MYH11: variants seen among roughly 807,000 people sequenced by gnomAD.
MYH11 encodes myosin heavy chain 11.
MYH11 carries 80 observed loss-of-function variants against 246.6 expected under a neutral mutation model. The observed-to-expected ratio is 0.32, with a 90% confidence interval of 0.27 to 0.39. The LOEUF (loss-of-function observed/expected upper bound fraction) is 0.39, where lower values mean the gene tolerates loss of function less well. Ranked by LOEUF, MYH11 falls within the 10% of genes least tolerant of loss-of-function variation. The pLI is 1.00. For missense variants in MYH11, 2,158 were observed against 2,546.8 expected, an observed-to-expected ratio of 0.85 and a Z score of 3.29; for synonymous variants, 1,071 against 1,015.5, an observed-to-expected ratio of 1.05 and a Z score of -1.04.
At chr16:15,758,046 G>T in intron 12 of MYH11, 46 bp from the exon 13 acceptor site, 2 of 1,612,092 alleles carry the variant, frequency 1.2e-6, no homozygotes, top group Non-Finnish European at 1.7e-6. Context: ...TTGGTATGAA[G>T]TCAGAAGACA....
chr16:15,818,916 G>A (rs1008751503), intron 3 of MYH11, among the ~76,000 whole-genome samples: 1 of 152,138 alleles, frequency 6.6e-6, no homozygotes, highest in Admixed American at 6.5e-5. Context: ...GTCTTACTCT[G>A]TTGCCAAGGC....
chr16:15,801,345 C>G (rs916145149), intron 3 of MYH11, among the ~76,000 whole-genome samples: 1 of 151,712 alleles, frequency 6.6e-6, no homozygotes, highest in African/African-American at 2.4e-5. Flanking sequence ...AGTGTTATAC[C>G]TTTTGTGTTT....
chr16:15,833,415 G>GGAACGAAC (rs1318097512), intron 2 of MYH11, among the ~76,000 whole-genome samples: 17 of 148,122 alleles, frequency 1.1e-4, no homozygotes, highest in Admixed American at 4.7e-4. Flanking sequence ...AAGGAAGGGA[G>GGAACGAAC]GAACGAACTA....
Position 15,718,443 on chromosome 16 carries a change from G to A in MYH11, c.5172-5C>T, listed in dbSNP as rs574893374. 5.7e-4 allele frequency: 884 copies of A among 1,555,058 alleles called. 11 individuals are homozygous for A. In the South Asian group the frequency reaches 9.4e-3, roughly 17 times the overall value. Reference sequence around the variant, plus strand: ...TTCTCGTCCTGGAGTGCGTTCCTGGGGGAAGGGCGGCCATGGTGGGGGCCT... The same window carrying A: ...TTCTCGTCCTGGAGTGCGTTCCTGGAGGAAGGGCGGCCATGGTGGGGGCCT... On this transcript the variant is annotated splice_region_variant and splice_polypyrimidine_tract_variant and intron_variant, in intron 36 of 40. Coordinates refer to ENST00000300036, the MANE Select transcript of MYH11 (RefSeq NM_002474.3).
At chr16:15,763,741 T>TGGGGGG in intron 10 of MYH11, 55 bp downstream of exon 10, 33 of 646,778 alleles carry the variant, frequency 5.1e-5, no homozygotes, top group Middle Eastern at 2.6e-4. Context: ...AAATGTCACC[T>TGGGGGG]CCCCCACCCC....
In MYH11 at chr16:15,750,348, G is replaced by GGGT. The variant is rs2041534101; in HGVS notation, c.1865-20_1865-18dup. On this transcript the variant is annotated splice_polypyrimidine_tract_variant and intron_variant, in intron 15 of 40. Coordinates refer to ENST00000300036, the MANE Select transcript of MYH11 (RefSeq NM_002474.3). This position sits in a 1 kb window ranked among gnomAD's most constrained non-coding sequence, Gnocchi z 4.3. ...TGCGGTCCACTATGGGGCACAGCCA[G>GGGT]GGTGGCATCAGCCTCTGGCCCACCC... 1 of 1,579,728 alleles carries GGGT rather than the reference G, an allele frequency of 6.3e-7. No individual in the cohort carries two copies. The highest frequency in any genetic ancestry group is 8.6e-7 in the Non-Finnish European group (1 of 1,165,184).
Position 15,747,973 on chromosome 16 carries a change from G to A in MYH11, c.2181-30C>T, listed in dbSNP as rs2293736. 0.067 allele frequency: 107,838 copies of A among 1,614,058 alleles called. 4,077 individuals carry two copies. Among genetic ancestry groups the A allele is most frequent in the East Asian group, 0.15 (6,837 of 44,856 alleles). ...AAACACAGAGCAGAAGTCACCCCGGGTACCTCCAGCATCCATTCCTCCACC... is the reference window on the plus strand; with the variant it reads ...AAACACAGAGCAGAAGTCACCCCGGATACCTCCAGCATCCATTCCTCCACC... On this transcript the variant is annotated intron_variant, in intron 17 of 40. Transcript: ENST00000300036.
At chr16:15,768,086 C>G (rs76710804) in intron 9 of MYH11, among the ~76,000 whole-genome samples, 3,848 of 152,148 alleles carry the variant, frequency 0.025, 161 homozygotes, top group African/African-American at 0.088. Context: ...CTCCTGCCGA[C>G]ACCCTGATTT....
chr16:15,735,577 G>C lies in MYH11; in HGVS notation c.3295C>G (p.Leu1099Val), dbSNP rs757497342. 6.2e-7 allele frequency: 1 copy of C among 1,614,182 alleles called. No homozygotes were observed. Among genetic ancestry groups the C allele is most frequent in the Non-Finnish European group, 8.5e-7 (1 of 1,180,034 alleles). Residue 1099 changes from leucine to valine, a missense_variant and splice_region_variant, in exon 26 of 41, where the codon CTT becomes GTT. By Grantham distance (32) the Leu-to-Val change is conservative. Coordinates refer to ENST00000300036, the MANE Select transcript of MYH11 (RefSeq NM_002474.3). Reference sequence around the variant, plus strand: ...TTCTTCTGAGCGATTTCATCGTCAAGCCTTCCAGGGAGAGACCCAGCAGAA... The same window carrying C: ...TTCTTCTGAGCGATTTCATCGTCAACCCTTCCAGGGAGAGACCCAGCAGAA... The part of the protein sequence containing the change: ...EEELQAALAR[L>V]DDEIAQKNNA...
At chr16:15,773,968 C>T (rs1378461533) in intron 8 of MYH11, among the ~76,000 whole-genome samples, 1 of 151,938 alleles carries the variant, frequency 6.6e-6, no homozygotes, top group Non-Finnish European at 1.5e-5. Flanking sequence ...TTTATTATAC[C>T]CTCCAATACA....
At chr16:15,811,107 C>G (rs1365599317) in intron 3 of MYH11, among the ~76,000 whole-genome samples, 1 of 152,098 alleles carries the variant, frequency 6.6e-6, no homozygotes, top group Non-Finnish European at 1.5e-5. Context: ...GGGAGAGACC[C>G]AGAGAGCTAG....
chr16:15,835,724 C>T (rs1056024524), intron 2 of MYH11, among the ~76,000 whole-genome samples: 1 of 151,322 alleles, frequency 6.6e-6, no homozygotes, highest in African/African-American at 2.4e-5. Context: ...TTTAGAGTAA[C>T]CCACTCCATG....
intron 36 of MYH11, chr16:15,718,732 G>A: frequency 1.9e-6 from 1 of 513,860 alleles, no homozygotes; most frequent in Non-Finnish European, 3.5e-6. Flanking sequence ...ATGAATGAAA[G>A]CAGCCACACC....
chr16:15,839,047 A>G (rs2043982973), intron 1 of MYH11, among the ~76,000 whole-genome samples: 1 of 151,868 alleles, frequency 6.6e-6, no homozygotes. Flanking sequence ...TGTCTCTACA[A>G]AAAATACAAA....
At chr16:15,849,802 T>C (rs987213629) in intron 1 of MYH11, among the ~76,000 whole-genome samples, 2 of 152,172 alleles carry the variant, frequency 1.3e-5, no homozygotes, top group African/African-American at 2.4e-5. Flanking sequence ...CTGGAAGACC[T>C]TAGGATGTCA....
rs192569146 is a variant in MYH11, at chr16:15,731,255, T to C, written c.3651+1309A>G. ...GCAGTATATTGATAGGCCCCACCCA[T>C]CCTATAGGCCTTCAGTCCTGTAGAG... On this transcript the variant is annotated intron_variant, in intron 27 of 40. Coordinates refer to ENST00000300036, the MANE Select transcript of MYH11 (RefSeq NM_002474.3). 3.6e-3 allele frequency among the ~76,000 whole-genome samples: 543 copies of C among 152,290 alleles called. 3 individuals carry two copies. The highest frequency in any genetic ancestry group is 6.8e-3 in the Middle Eastern group (2 of 294).
At chr16:15,763,741 T>TGGGCCCCCCCCC in intron 10 of MYH11, 55 bp downstream of exon 10, 2 of 646,848 alleles carry the variant, frequency 3.1e-6, no homozygotes, top group Non-Finnish European at 2.9e-6. Flanking sequence ...AAATGTCACC[T>TGGGCCCCCCCCC]CCCCCACCCC....
At chr16:15,855,446 T>TG (rs2044440099) in intron 1 of MYH11, among the ~76,000 whole-genome samples, 1 of 152,176 alleles carries the variant, frequency 6.6e-6, no homozygotes, top group Non-Finnish European at 1.5e-5. Flanking sequence ...AGAAAGATAG[T>TG]GGGGTCAAGG....
chr16:15,845,718 G>T (rs1488304703), intron 1 of MYH11, among the ~76,000 whole-genome samples: 1 of 151,952 alleles, frequency 6.6e-6, no homozygotes, highest in Non-Finnish European at 1.5e-5. Flanking sequence ...GAGAGAGAGA[G>T]AGAGAAAAAG....
Sources: gnomAD v4.1 joint callset for allele counts (sites outside exome capture counted in the v4.1 genomes callset) on GRCh38, gnomAD v4.1.1 for gene constraint, Gnocchi (gnomAD v3.1) non-coding constraint, MANE v1.5 for transcripts, NCBI Gene and HGNC (gene_info 2026-07-23, HGNC 2026-07-21) for gene names.